PDZD2: variants seen among roughly 807,000 people sequenced by gnomAD.
PDZD2 encodes the protein PDZ domain-containing protein 2.
PDZD2 carries 90 observed loss-of-function variants against 220.7 expected under a neutral mutation model. The ratio of observed to expected loss-of-function variants is 0.41; its 90% CI spans 0.34 to 0.49. The LOEUF (loss-of-function observed/expected upper bound fraction) is 0.49. PDZD2 is among the 20% of genes least tolerant of loss of function. PDZD2 has a pLI of 0.28. For synonymous variants in PDZD2, 1,375 were observed against 1,450.5 expected (o/e 0.95, Z 1.18); for missense variants, 3,174 against 3,608.5 (o/e 0.88, Z 3.08).
intron 1 of PDZD2, among the ~76,000 whole-genome samples, chr5:31,647,774 G>A (rs1380146930): frequency 6.6e-6 from 1 of 152,142 alleles, no homozygotes; most frequent in African/African-American, 2.4e-5. Context: ...TTTGGGATGT[G>A]GGTATATCTT....
At chr5:31,746,475 C>T (rs1037191876) in intron 1 of PDZD2, among the ~76,000 whole-genome samples, 1 of 152,128 alleles carries the variant, frequency 6.6e-6, no homozygotes, top group East Asian at 1.9e-4. Context: ...TCTTGGTATA[C>T]ACAAGGGATT....
intron 1 of PDZD2, among the ~76,000 whole-genome samples, chr5:31,685,938 C>T (rs989090942): frequency 5.9e-5 from 9 of 152,092 alleles, no homozygotes; most frequent in Admixed American, 1.3e-4. Flanking sequence ...CAGTGGCTCA[C>T]ACCTGTAATC....
At chr5:31,943,959 G>T (rs143966695) in intron 2 of PDZD2, among the ~76,000 whole-genome samples, 1 of 152,178 alleles carries the variant, frequency 6.6e-6, no homozygotes, top group Admixed American at 6.6e-5. Flanking sequence ...CAGCACAAAT[G>T]ATATTCATTA....
chr5:31,869,147 A>C lies in PDZD2; in HGVS notation c.476+69423A>C, dbSNP rs561028405. 3.9e-5 allele frequency among the ~76,000 whole-genome samples: 6 copies of C among 152,330 alleles called. No homozygotes were observed. The South Asian group carries it at 1.0e-3, about 26-fold the overall frequency. On this transcript the variant is annotated intron_variant, in intron 2 of 24. Transcript: ENST00000438447. The stretch of plus-strand genomic sequence containing the variant: ...CCCCATCTTTCATGTTGTAACTATC[A>C]AAGTTCCAGACATGCTTTGTCTGTA...
Position 31,995,703 on chromosome 5 carries a change from G to A in PDZD2, c.1106G>A (p.Gly369Glu), listed in dbSNP as rs1175962710. Reference protein sequence around the residue: ...HAIVVTQVKEGGAAHRDGRLS... With the variant: ...HAIVVTQVKEEGAAHRDGRLS... ...ATCGTTGTCACTCAAGTGAAGGAAG[G>A]AGGTGCCGCTCACAGGTGACTAGAT... Residue 369 changes from glycine (G) to glutamate (E), a missense_variant, in exon 4 of 25, where the codon GGA (glycine) becomes GAA (glutamate). Gly to Glu is a moderately conservative substitution (Grantham distance 98). Coordinates refer to ENST00000438447, the MANE Select transcript of PDZD2 (RefSeq NM_178140.4). 1 of 1,613,798 alleles carries A rather than the reference G, an allele frequency of 6.2e-7. No homozygotes were observed. Among genetic ancestry groups the A allele is most frequent in the East Asian group, 2.2e-5 (1 of 44,874 alleles).
At chr5:31,689,353 A>ATATATTTTTTTTTTCTTT in intron 1 of PDZD2, among the ~76,000 whole-genome samples, 9 of 35,114 alleles carry the variant, frequency 2.6e-4, no homozygotes, top group Non-Finnish European at 3.8e-4. Context: ...ATATATATAT[A>ATATATTTTTTTTTTCTTT]TTTTTTTTTT....
chr5:32,025,583 C>T (rs1370230961), intron 6 of PDZD2, among the ~76,000 whole-genome samples: 1 of 116,022 alleles, frequency 8.6e-6, no homozygotes, highest in Non-Finnish European at 1.7e-5. Context: ...CCAAATGTAA[C>T]CATGATGCTT....
At chr5:31,655,977 T>C (rs971044985) in intron 1 of PDZD2, among the ~76,000 whole-genome samples, 3 of 152,228 alleles carry the variant, frequency 2.0e-5, no homozygotes, top group Non-Finnish European at 2.9e-5. Flanking sequence ...TTAAATTGGA[T>C]CATCTCATTA....
At chr5:31,669,796 A>C (rs887988490) in intron 1 of PDZD2, among the ~76,000 whole-genome samples, 12 of 152,150 alleles carry the variant, frequency 7.9e-5, no homozygotes, top group African/African-American at 2.9e-4. Flanking sequence ...GTTACCATCT[A>C]TCTGCTCTGC....
chr5:31,702,001 C>T (rs1243743570), intron 1 of PDZD2, among the ~76,000 whole-genome samples: 1 of 152,238 alleles, frequency 6.6e-6, no homozygotes, highest in Non-Finnish European at 1.5e-5. Flanking sequence ...GAACTGGCTT[C>T]TAAGCAGCCA....
chr5:31,883,023 CAAAAAA>C (rs781370177), intron 2 of PDZD2, among the ~76,000 whole-genome samples: 6 of 47,950 alleles, frequency 1.3e-4, no homozygotes, highest in Non-Finnish European at 1.8e-4. Flanking sequence ...GACTCTGTCT[CAAAAAA>C]AAAAAAAAAA....
At chr5:32,042,031 C>T (rs1315243174) in intron 7 of PDZD2, among the ~76,000 whole-genome samples, 2 of 38,724 alleles carry the variant, frequency 5.2e-5, no homozygotes, top group Admixed American at 2.7e-4. Flanking sequence ...CTGGCTAACA[C>T]GGTGAAACCC....
intron 1 of PDZD2, among the ~76,000 whole-genome samples, chr5:31,720,469 G>A (rs895828616): frequency 1.3e-5 from 2 of 152,180 alleles, no homozygotes; most frequent in Non-Finnish European, 2.9e-5. Context: ...TGCCTCTGAA[G>A]ATTCACTGCA....
chr5:32,065,843 G>C (rs1740162644), intron 14 of PDZD2, among the ~76,000 whole-genome samples: 1 of 152,156 alleles, frequency 6.6e-6, no homozygotes, highest in Non-Finnish European at 1.5e-5. Context: ...TGGCCAACAT[G>C]GGTAAAACCC....
At chr5:31,992,980 A>G (rs897819883) in intron 3 of PDZD2, among the ~76,000 whole-genome samples, 4 of 152,022 alleles carry the variant, frequency 2.6e-5, no homozygotes, top group African/African-American at 9.7e-5. Flanking sequence ...CAGTCAGCAC[A>G]TCCCTGATTC....
intron 1 of PDZD2, among the ~76,000 whole-genome samples, chr5:31,644,887 TG>T (rs1745077890): frequency 6.6e-6 from 1 of 152,222 alleles, no homozygotes; most frequent in African/African-American, 2.4e-5. Context: ...ACAGTGTTTC[TG>T]GGGCTCATCA....
intron 5 of PDZD2, among the ~76,000 whole-genome samples, chr5:32,002,307 C>T (rs1002338987): frequency 2.6e-5 from 4 of 151,998 alleles, no homozygotes; most frequent in African/African-American, 9.7e-5. Flanking sequence ...TTCATAGGTC[C>T]TTTCTTCCTC....
chr5:31,847,982 A>G (rs1757685805), intron 2 of PDZD2: 4 of 416,128 alleles, frequency 9.6e-6, no homozygotes, highest in South Asian at 2.0e-5. Context: ...GGGGATGTAT[A>G]AGAAGGCTCA....
chr5:31,802,472 C>A (rs1362952391), intron 2 of PDZD2, among the ~76,000 whole-genome samples: 1 of 152,116 alleles, frequency 6.6e-6, no homozygotes, highest in Non-Finnish European at 1.5e-5. Context: ...ATGGGTGTGA[C>A]CTCTTGGTAT....
Sources: gnomAD v4.1 joint callset for allele counts (sites outside exome capture counted in the v4.1 genomes callset) on GRCh38, gnomAD v4.1.1 for gene constraint, MANE v1.5 for transcripts, NCBI Gene and HGNC (gene_info 2026-07-23, HGNC 2026-07-21) for gene names.